Variants in DHRS7 observed in about 807,000 individuals in gnomAD.
DHRS7 encodes the protein dehydrogenase/reductase 7, also known as dehydrogenase/reductase SDR family member 7.
In DHRS7, 34 loss-of-function variants were observed where a neutral mutation model predicts 38.9. The ratio of observed to expected loss-of-function variants is 0.87; its 90% CI spans 0.66 to 1.16. DHRS7 has a LOEUF of 1.16. Among genes scored for constraint, DHRS7 ranks in the 50% most tolerant of loss-of-function variants. DHRS7 has a pLI of 0.00. For synonymous variants in DHRS7, 158 were observed against 153.1 expected, an observed-to-expected ratio of 1.03 and a Z score of -0.24; for missense variants, 421 against 407.0, an observed-to-expected ratio of 1.03 and a Z score of -0.30.
At chr14:60,152,419 C>A (rs960476868) in intron 4 of DHRS7, among the ~76,000 whole-genome samples, 3 of 152,088 alleles carry the variant, frequency 2.0e-5, no homozygotes, top group African/African-American at 7.2e-5. Context: ...GATATGAGAC[C>A]AGGACTAATC....
rs1459719740 is a variant in DHRS7, at chr14:60,146,205, G to T, written c.973-1192C>A. ...CAAAGATGGTGGTAGGAAGAAAAAG[G>T]CTGTCATTTTTTTAGAAAAACCTAG... On this transcript the variant is annotated intron_variant, in intron 6 of 6. Transcript: ENST00000557185. This position sits in a 1 kb window ranked among gnomAD's most constrained non-coding sequence, Gnocchi z 4.9. 6.6e-6 allele frequency: 1 copy of T among 151,806 alleles called. No homozygotes were observed. Among genetic ancestry groups the T allele is most frequent in the African/African-American group, 2.4e-5 (1 of 41,342 alleles). The allele number at this position is 151,806 out of a possible 1,614,324, so 9.4% of individuals were successfully genotyped here. A position where few individuals can be genotyped will look rare whatever the true frequency, so the allele number is the denominator to read the frequency against.
chr14:60,163,074 G>A (rs938361212), intron 1 of DHRS7, among the ~76,000 whole-genome samples: 4 of 151,914 alleles, frequency 2.6e-5, no homozygotes, highest in Non-Finnish European at 5.9e-5. Flanking sequence ...GGAGGCTGAA[G>A]CAGGAGAATC....
intron 1 of DHRS7, among the ~76,000 whole-genome samples, chr14:60,160,860 G>C (rs1431234206): frequency 6.6e-6 from 1 of 152,124 alleles, no homozygotes; most frequent in Non-Finnish European, 1.5e-5. Flanking sequence ...CAAAGTGCTG[G>C]GATTACAGGC....
intron 4 of DHRS7, among the ~76,000 whole-genome samples, chr14:60,151,949 C>G (rs1265931503): frequency 2.0e-5 from 3 of 152,216 alleles, no homozygotes; most frequent in African/African-American, 7.2e-5. Flanking sequence ...ATCTGCCTGC[C>G]TGAGGCTTGC....
At chr14:60,159,876 AT>A (rs1896729200) in intron 1 of DHRS7, among the ~76,000 whole-genome samples, 1 of 152,310 alleles carries the variant, frequency 6.6e-6, no homozygotes, top group Admixed American at 6.5e-5. Context: ...AAATGAAGAC[AT>A]TTTCTCAGCT....
Position 60,144,783 on chromosome 14 carries a change from TGCAAGA to T in DHRS7, c.*177_*182del. ...ATATAGTATGAGTTAATACCTTTTT[TGCAAGA>T]TTCATGGCAATCTTTTATTATTTAT... On this transcript the variant is annotated 3_prime_UTR_variant, in exon 7 of 7. Coordinates refer to ENST00000557185, the MANE Select transcript of DHRS7 (RefSeq NM_016029.4). The T allele has an allele frequency of 3.3e-6, 2 of 600,296 alleles. No individual in the cohort carries two copies. Among genetic ancestry groups the T allele is most frequent in the Admixed American group, 3.0e-5 (1 of 33,756 alleles). The allele number at this position is 600,296 out of a possible 1,614,324, so 37.2% of individuals were successfully genotyped here. A position where few individuals can be genotyped will look rare whatever the true frequency, so the allele number is the denominator to read the frequency against.
intron 1 of DHRS7, among the ~76,000 whole-genome samples, chr14:60,164,270 C>T (rs570483174): frequency 1.6e-4 from 23 of 144,374 alleles, no homozygotes; most frequent in African/African-American, 4.1e-4. Flanking sequence ...AACGCCCCCC[C>T]CAAACATAGT....
At chr14:60,169,313 A>G (rs1167703313), upstream of DHRS7, among the ~76,000 whole-genome samples, 3 of 152,168 alleles carry the variant, frequency 2.0e-5, no homozygotes, top group Admixed American at 6.5e-5. Flanking sequence ...GGATCCAACA[A>G]TGCTCACCTC....
upstream of DHRS7, chr14:60,165,413 C>G: frequency 6.9e-7 from 1 of 1,452,066 alleles, no homozygotes. This position sits in a 1 kb window ranked among gnomAD's most constrained non-coding sequence, Gnocchi z 4.6. Context: ...AGCCCAGAGC[C>G]GCACTGCCCC....
At chr14:60,152,654 T>C (rs919016583) in intron 4 of DHRS7, 5 of 409,172 alleles carry the variant, frequency 1.2e-5, no homozygotes, top group Admixed American at 7.9e-5. Flanking sequence ...GATACACTTT[T>C]TGAGGGCAGA....
At chr14:60,160,091 C>T (rs1418354392) in intron 1 of DHRS7, among the ~76,000 whole-genome samples, 1 of 152,130 alleles carries the variant, frequency 6.6e-6, no homozygotes, top group South Asian at 2.1e-4. Context: ...TTTGGGAGGC[C>T]GAGGCAGGAG....
At chr14:60,156,371 A>G (rs1282841775) in intron 1 of DHRS7, among the ~76,000 whole-genome samples, 1 of 152,162 alleles carries the variant, frequency 6.6e-6, no homozygotes, top group East Asian at 1.9e-4. Context: ...TTATCAACAC[A>G]GTATTTGTAT....
intron 1 of DHRS7, among the ~76,000 whole-genome samples, chr14:60,159,663 C>G (rs1896724055): frequency 1.3e-5 from 2 of 152,186 alleles, no homozygotes; most frequent in Non-Finnish European, 2.9e-5. Flanking sequence ...AAATAACCAT[C>G]ATGCTGTGAA....
rs927092811 is a variant in DHRS7 at position 60,154,078 on chromosome 14, A to G, written c.287-13T>C. ...AAATTGCCATTCTCTAAATAAAGAC[A>G]AAAATTTGTGTGGAAGTCATGCCAT... On this transcript the variant is annotated splice_polypyrimidine_tract_variant and intron_variant, in intron 2 of 6. Transcript: ENST00000557185. 1 of 1,607,776 alleles carries G rather than the reference A, an allele frequency of 6.2e-7. No individual in the cohort carries two copies. Among genetic ancestry groups the G allele is most frequent in the African/African-American group, 1.3e-5 (1 of 74,766 alleles).
Sources: allele counts gnomAD v4.1 joint callset (sites outside exome capture counted in the v4.1 genomes callset), GRCh38; gene constraint gnomAD v4.1.1; non-coding constraint Gnocchi (gnomAD v3.1); transcripts MANE v1.5; gene names NCBI Gene and HGNC (gene_info 2026-07-23, HGNC 2026-07-21).